Variants in SSH2 observed in about 807,000 individuals in gnomAD.
The protein encoded by SSH2 is protein phosphatase Slingshot homolog 2.
In SSH2, 37 loss-of-function variants were observed where a neutral mutation model predicts 135.2. The observed-to-expected ratio is 0.27, with a 90% confidence interval of 0.21 to 0.36. The LOEUF (loss-of-function observed/expected upper bound fraction) is 0.36, where lower values mean the gene tolerates loss of function less well. Ranked by LOEUF, SSH2 falls within the 10% of genes least tolerant of loss-of-function variation. The pLI, the probability that SSH2 is intolerant of heterozygous loss-of-function variation, is 1.00. For synonymous variants in SSH2, 628 were observed against 646.2 expected (o/e 0.97, Z 0.43); for missense variants, 1,408 against 1,765.3 (o/e 0.80, Z 3.63).
chr17:29,714,118 A>T (rs1235991979), intron 3 of SSH2, among the ~76,000 whole-genome samples: 2 of 152,120 alleles, frequency 1.3e-5, no homozygotes, highest in Non-Finnish European at 2.9e-5. Flanking sequence ...AAATGGAAAA[A>T]TTTAAAAGCT....
At chr17:29,638,993 A>ACT (rs2036035047) in intron 14 of SSH2, among the ~76,000 whole-genome samples, 1 of 152,250 alleles carries the variant, frequency 6.6e-6, no homozygotes, top group Admixed American at 6.5e-5. Context: ...ACTAGGATGA[A>ACT]GAACTGATGG....
chr17:29,653,121 T>A lies in SSH2; in HGVS notation c.1080-2321A>T, dbSNP rs954873902. ...AATTGGAACTGAAACTCCTTGAAAC[T>A]TTTTTCCCATCTCAGCACCAAATGA... On this transcript the variant is annotated intron_variant, in intron 12 of 15. Coordinates refer to ENST00000540801, the MANE Select transcript of SSH2 (RefSeq NM_001282129.2). Among the ~76,000 whole-genome samples, 12 of 152,300 alleles carry A rather than the reference T, an allele frequency of 7.9e-5. No individual in the cohort carries two copies. The South Asian group carries it at 2.3e-3, about 29-fold the overall frequency.
chr17:29,650,610 C>A, intron 13 of SSH2, 44 bp downstream of exon 13: 2 of 1,557,478 alleles, frequency 1.3e-6, no homozygotes, highest in South Asian at 1.2e-5. Flanking sequence ...TGTGGTGGGG[C>A]AAGAGGAACA....
rs1480391516 is a variant in SSH2, at chr17:29,848,902, C to T, written c.91G>A (p.Ala31Thr). 6.5e-7 allele frequency: 1 copy of T among 1,534,706 alleles called. No homozygotes were observed. Among genetic ancestry groups the T allele is most frequent in the Non-Finnish European group, 8.7e-7 (1 of 1,146,062 alleles). Reference sequence around the variant, plus strand: ...TCACATTCACAGCAAAGTAATGCTGCTGATTCACTGTCTTCCAAATGAGAG... The same window carrying T: ...TCACATTCACAGCAAAGTAATGCTGTTGATTCACTGTCTTCCAAATGAGAG... ...SSSHLEDSES[A>T]ALLCCECEES... The change falls in exon 2 of 16, where the codon GCA (alanine) becomes ACA (threonine). Residue 31 changes from alanine (A) to threonine (T), a missense_variant. Transcript: ENST00000540801.
intron 1 of SSH2, among the ~76,000 whole-genome samples, chr17:29,861,646 C>T (rs2065766974): frequency 1.3e-5 from 2 of 152,116 alleles, no homozygotes; most frequent in Admixed American, 1.3e-4. Flanking sequence ...TCACTGCAAC[C>T]TTCCACTGCC....
At chr17:29,773,435 A>T (rs2041630581) in intron 3 of SSH2, among the ~76,000 whole-genome samples, 2 of 152,102 alleles carry the variant, frequency 1.3e-5, no homozygotes, top group Admixed American at 1.3e-4. Context: ...GTTTTTCAGA[A>T]ATCTTGTTTT....
intron 3 of SSH2, among the ~76,000 whole-genome samples, chr17:29,726,099 T>A (rs2039994969): frequency 6.6e-6 from 1 of 151,948 alleles, no homozygotes; most frequent in Non-Finnish European, 1.5e-5. Context: ...GAGACTTAAA[T>A]AAAAAATAAA....
chr17:29,635,629 C>G (rs565136088), intron 15 of SSH2, among the ~76,000 whole-genome samples: 2 of 151,988 alleles, frequency 1.3e-5, no homozygotes, highest in African/African-American at 2.4e-5. Flanking sequence ...AGGATGGTTT[C>G]GATCTCCTGA....
Position 29,913,347 on chromosome 17 carries a change from A to AAAAAAAAAAAAAAAATTATATATAT in SSH2, c.63+16590_63+16591insATATATATAATTTTTTTTTTTTTTT. ...AAAAAAAAAAAAAAAAAAAAAAAAAAATATATATATATATATATATATATA... is the reference window on the plus strand; with the variant it reads ...AAAAAAAAAAAAAAAAAAAAAAAAAAAAAAAAAAAAAAAAATTATATATATATATATATATATATATATATATATA... On this transcript the variant is annotated intron_variant, in intron 1 of 15. Transcript: ENST00000540801. Among the ~76,000 whole-genome samples, 20 of 28,788 alleles carry AAAAAAAAAAAAAAAATTATATATAT rather than the reference A, an allele frequency of 6.9e-4. 6 individuals carry two copies. The highest frequency in any genetic ancestry group is 2.2e-3 in the East Asian group (1 of 450). The allele number at this position is 28,788 out of a possible 152,430, so 18.9% of individuals were successfully genotyped here. A position where few individuals can be genotyped will look rare whatever the true frequency, so the allele number is the denominator to read the frequency against.
chr17:29,863,323 T>A (rs999012684), intron 1 of SSH2: 1 of 152,260 alleles, frequency 6.6e-6, no homozygotes, highest in Admixed American at 6.5e-5. Flanking sequence ...TAACCTCTTT[T>A]ACCTACCAGT....
intron 1 of SSH2, chr17:29,925,438 G>C (rs987337563): frequency 2.5e-6 from 1 of 398,010 alleles, no homozygotes; most frequent in African/African-American, 2.1e-5. Flanking sequence ...AATTGTAGCC[G>C]GTCACAGTGG....
chr17:29,685,358 A>G (rs1445997440), intron 5 of SSH2, among the ~76,000 whole-genome samples: 3 of 152,200 alleles, frequency 2.0e-5, no homozygotes, highest in Admixed American at 2.0e-4. Context: ...CATTGTGGTT[A>G]CTGTGACTTT....
chr17:29,648,032 T>A (rs567273184), intron 14 of SSH2, 112 bp downstream of exon 14: 4 of 1,061,884 alleles, frequency 3.8e-6, no homozygotes, highest in Non-Finnish European at 5.6e-6. Context: ...TAAGTCTTTT[T>A]TGAAAAAATA....
chr17:29,826,128 CAAAA>C (rs776315492), intron 2 of SSH2, among the ~76,000 whole-genome samples: 27 of 152,210 alleles, frequency 1.8e-4, no homozygotes, highest in Middle Eastern at 6.8e-3. Flanking sequence ...CACAAAGCAT[CAAAA>C]TCTTAGTGAC....
intron 3 of SSH2, among the ~76,000 whole-genome samples, chr17:29,722,588 T>G (rs889411226): frequency 6.6e-6 from 1 of 152,190 alleles, no homozygotes; most frequent in African/African-American, 2.4e-5. Flanking sequence ...CGCAAAAAGC[T>G]ATGCACGGGA....
At position 29,885,602 on chromosome 17, in the gene SSH2, A is replaced by G. The variant is rs28611164; in HGVS notation, c.64-36673T>C. 8.4e-3 allele frequency among the ~76,000 whole-genome samples: 1,283 copies of G among 152,276 alleles called. 15 individuals carry two copies. The highest frequency in any genetic ancestry group is 0.029 in the African/African-American group (1,222 of 41,556). ...GGAGTGGAGATTGAGTCAGTTACCA[A>G]TGACCAATGATTTAATCAATAATGC... On this transcript the variant is annotated intron_variant, in intron 1 of 15. Coordinates refer to ENST00000540801, the MANE Select transcript of SSH2 (RefSeq NM_001282129.2).
chr17:29,711,945 G>A lies in SSH2; in HGVS notation c.189-8883C>T, dbSNP rs867374354. On this transcript the variant is annotated intron_variant, in intron 3 of 15. Coordinates refer to ENST00000540801, the MANE Select transcript of SSH2 (RefSeq NM_001282129.2). ...AGGAAGTTTATTTTGCCAAAGTTAA[G>A]AATGTATGCCTGTGACACAGCCTGA... Among the ~76,000 whole-genome samples the A allele has an allele frequency of 2.0e-5, 3 of 152,306 alleles. No homozygotes were observed. The South Asian group carries it at 6.2e-4, about 32-fold the overall frequency.
intron 11 of SSH2, among the ~76,000 whole-genome samples, chr17:29,663,022 T>C (rs937710397): frequency 6.6e-6 from 1 of 152,230 alleles, no homozygotes; most frequent in African/African-American, 2.4e-5. Flanking sequence ...TGAAACTTAG[T>C]TGGGCAAAGG....
chr17:29,742,096 G>A (rs556291562), intron 3 of SSH2, among the ~76,000 whole-genome samples: 1 of 151,538 alleles, frequency 6.6e-6, no homozygotes, highest in Admixed American at 6.6e-5. Flanking sequence ...CACCATGTCC[G>A]ATTAATTTTT....
Sources: allele counts gnomAD v4.1 joint callset (sites outside exome capture counted in the v4.1 genomes callset), GRCh38; gene constraint gnomAD v4.1.1; transcripts MANE v1.5; gene names NCBI Gene and HGNC (gene_info 2026-07-23, HGNC 2026-07-21).